The following CFAP77 variants were observed in gnomAD, a reference collection of about 807,000 sequenced individuals.
CFAP77 encodes cilia and flagella associated protein 77.
A neutral mutation model predicts 31.1 loss-of-function variants in CFAP77; 25 were observed. The observed-to-expected ratio is 0.80, with a 90% CI of 0.59 to 1.12. CFAP77 has a LOEUF of 1.12. Among genes scored for constraint, CFAP77 ranks in the 50% most tolerant of loss-of-function variants. The pLI is 0.00. For missense variants in CFAP77, 377 were observed against 397.3 expected, an observed-to-expected ratio of 0.95 and a Z score of 0.44; for synonymous variants, 151 against 159.9, an observed-to-expected ratio of 0.94 and a Z score of 0.42.
chr9:132,556,128 C>G (rs184766954), intron 5 of CFAP77, among the ~76,000 whole-genome samples: 8 of 152,292 alleles, frequency 5.3e-5, no homozygotes, highest in Admixed American at 1.3e-4. Flanking sequence ...TCGTCAGCAC[C>G]CTGGCCTCCA....
intron 1 of CFAP77, among the ~76,000 whole-genome samples, chr9:132,496,076 A>G (rs530693149): frequency 6.4e-4 from 97 of 152,334 alleles, no homozygotes; most frequent in Non-Finnish European, 1.3e-3. Flanking sequence ...ATTAGCATCT[A>G]TTCTACACTG....
At position 132,455,943 on chromosome 9, in the gene CFAP77, G is replaced by A. The variant is rs1159830243; in HGVS notation, c.196-42752G>A. Among the ~76,000 whole-genome samples, 4 of 152,280 alleles carry A rather than the reference G, an allele frequency of 2.6e-5. No individual in the cohort carries two copies. In the East Asian group the frequency reaches 7.7e-4, roughly 29 times the overall value. ...CCACTTATTAGCTGTATAACCTTGA[G>A]CAAGTTATTTATCCACTCTTAGTTT... is the stretch of plus-strand genomic sequence containing the variant. On this transcript the variant is annotated intron_variant, in intron 1 of 5. Transcript: ENST00000393216. This position sits in a 1 kb window ranked among gnomAD's most constrained non-coding sequence, Gnocchi z 4.1.
intron 3 of CFAP77, among the ~76,000 whole-genome samples, chr9:132,523,843 G>A (rs561272774): frequency 1.0e-3 from 152 of 152,276 alleles, no homozygotes; most frequent in African/African-American, 3.5e-3. Flanking sequence ...GCTGCTTGGT[G>A]AGAAATGGCA....
chr9:132,556,973 A>G (rs577235564), intron 5 of CFAP77, among the ~76,000 whole-genome samples: 10 of 152,268 alleles, frequency 6.6e-5, no homozygotes, highest in Admixed American at 5.9e-4. Flanking sequence ...TAATGAGCCG[A>G]TGGAAGTTTC....
In CFAP77 at chr9:132,517,871, G is replaced by A. The variant is rs555675665; in HGVS notation, c.524+18271G>A. 1.2e-4 allele frequency among the ~76,000 whole-genome samples: 19 copies of A among 152,340 alleles called. No homozygotes were observed. Among genetic ancestry groups the A allele is most frequent in the Middle Eastern group, 3.4e-3 (1 of 294 alleles). ...ACCCCTGGTCTGGGGTATCAATCGC[G>A]GAGCAGTCAGGATGGGTTTGATGGA... On this transcript the variant is annotated intron_variant, in intron 3 of 5. Transcript: ENST00000393216. This position sits in a 1 kb window ranked among gnomAD's most constrained non-coding sequence, Gnocchi z 4.7.
At position 132,517,338 on chromosome 9, in the gene CFAP77, CTG is replaced by C. The variant is rs1322410000; in HGVS notation, c.524+17740_524+17741del. Among the ~76,000 whole-genome samples, 1 of 152,202 alleles carries C rather than the reference CTG, an allele frequency of 6.6e-6. No individual in the cohort carries two copies. The highest frequency in any genetic ancestry group is 1.9e-4 in the East Asian group (1 of 5,202). On this transcript the variant is annotated intron_variant, in intron 3 of 5. Coordinates refer to ENST00000393216, the MANE Select transcript of CFAP77 (RefSeq NM_001282957.2). The surrounding 1 kb of genome is among the most constrained non-coding windows in gnomAD (Gnocchi z 4.7). ...TTTTAATTTTATTTTAACAAAATAG[CTG>C]TCTCCACTGGAAGAAGCATCAAGAG...
Position 132,424,400 on chromosome 9 carries a change from T to G in CFAP77, c.195+13934T>G, listed in dbSNP as rs974787534. On this transcript the variant is annotated intron_variant, in intron 1 of 5. Transcript: ENST00000393216. The surrounding 1 kb of genome is among the most constrained non-coding windows in gnomAD (Gnocchi z 4.1). Reference sequence around the variant, plus strand: ...CTGGGCGACAGAGCAAGACTCCATCTCAAAACAAAAAAAAAAGAGTTAGGA... The same window carrying G: ...CTGGGCGACAGAGCAAGACTCCATCGCAAAACAAAAAAAAAAGAGTTAGGA... Among the ~76,000 whole-genome samples the G allele has an allele frequency of 1.3e-5, 2 of 150,868 alleles. No individual in the cohort carries two copies. The highest frequency in any genetic ancestry group is 4.9e-5 in the African/African-American group (2 of 41,024).
chr9:132,560,228 G>A (rs928898102), intron 5 of CFAP77, among the ~76,000 whole-genome samples: 3 of 152,210 alleles, frequency 2.0e-5, no homozygotes, highest in African/African-American at 7.2e-5. Context: ...TGAGATGAGT[G>A]ATCATCGCCT....
At chr9:132,530,136 C>CTTTTTTTTTTTTTTTT (rs750962954) in intron 3 of CFAP77, among the ~76,000 whole-genome samples, 50 of 93,264 alleles carry the variant, frequency 5.4e-4, no homozygotes, top group African/African-American at 7.2e-4. Flanking sequence ...TCTTTCTTTT[C>CTTTTTTTTTTTTTTTT]TTTTTTTTTT....
intron 1 of CFAP77, among the ~76,000 whole-genome samples, chr9:132,468,358 C>T (rs1035221595): frequency 6.6e-6 from 1 of 152,022 alleles, no homozygotes; most frequent in Non-Finnish European, 1.5e-5. Context: ...AAACAAAAAA[C>T]CACAGATTAG....
Position 132,572,749 on chromosome 9 carries a change from C to T in CFAP77, c.*239C>T, listed in dbSNP as rs1399957608. The T allele has an allele frequency of 5.6e-6, 3 of 532,706 alleles. No individual in the cohort carries two copies. The highest frequency in any genetic ancestry group is 7.3e-5 in the Admixed American group (2 of 27,582). The allele number at this position is 532,706 out of a possible 1,614,324, so 33.0% of individuals were successfully genotyped here. A position where few individuals can be genotyped will look rare whatever the true frequency, so the allele number is the denominator to read the frequency against. On this transcript the variant is annotated 3_prime_UTR_variant, in exon 6 of 6. Transcript: ENST00000393216. ...CCTGGAGCCTCCTCCTCTCCTCCTC[C>T]TTCTCCTCCTAGGGCAGGCTCACCC...
intron 1 of CFAP77, among the ~76,000 whole-genome samples, chr9:132,450,056 G>A (rs1177770495): frequency 6.6e-6 from 1 of 152,018 alleles, no homozygotes; most frequent in Non-Finnish European, 1.5e-5. Flanking sequence ...GGGACTACTG[G>A]TGCCCGCCAC....
chr9:132,492,075 G>A (rs1488220474), intron 1 of CFAP77, among the ~76,000 whole-genome samples: 6 of 152,110 alleles, frequency 3.9e-5, no homozygotes, highest in Non-Finnish European at 8.8e-5. Context: ...ATTGCTTGAG[G>A]CCAGGAGTTT....
intron 1 of CFAP77, among the ~76,000 whole-genome samples, chr9:132,448,071 C>A (rs1163473084): frequency 6.6e-6 from 1 of 152,116 alleles, no homozygotes; most frequent in Admixed American, 6.6e-5. Context: ...CAAGGTAATA[C>A]TGGTCTCCTG....
In CFAP77 at chr9:132,498,991, G is replaced by T. The variant is rs1256175822; in HGVS notation, c.295+197G>T. On this transcript the variant is annotated intron_variant, in intron 2 of 5. Coordinates refer to ENST00000393216, the MANE Select transcript of CFAP77 (RefSeq NM_001282957.2). The surrounding 1 kb of genome is among the most constrained non-coding windows in gnomAD (Gnocchi z 4.2). Reference sequence around the variant, plus strand: ...GGGGAGGGCCAAGCAGGGCCCTGGTGTGCGGTGTCAGGGAACTAGCATGGG... The same window carrying T: ...GGGGAGGGCCAAGCAGGGCCCTGGTTTGCGGTGTCAGGGAACTAGCATGGG... Among the ~76,000 whole-genome samples the T allele has an allele frequency of 1.3e-5, 2 of 152,146 alleles. No individual in the cohort carries two copies. Among genetic ancestry groups the T allele is most frequent in the African/African-American group, 4.8e-5 (2 of 41,414 alleles).
chr9:132,559,346 C>CAAAAAAAAA (rs35737685), intron 5 of CFAP77, among the ~76,000 whole-genome samples: 2,210 of 56,012 alleles, frequency 0.039, 141 homozygotes, highest in Non-Finnish European at 0.06. Flanking sequence ...CTCTGTCTTG[C>CAAAAAAAAA]AAAAAAAAAA....
At chr9:132,558,901 T>C (rs1201254202) in intron 5 of CFAP77, among the ~76,000 whole-genome samples, 6 of 139,764 alleles carry the variant, frequency 4.3e-5, no homozygotes, top group African/African-American at 1.1e-4. Flanking sequence ...GTAATCCCAG[T>C]TGCTCAGGAG....
chr9:132,482,410 G>A lies in CFAP77; in HGVS notation c.196-16285G>A, dbSNP rs574252509. ...CTTGCTGGACACCACATCAAAGGAG[G>A]CCCACAGGTGTTTCTTCCTTCTGCT... On this transcript the variant is annotated intron_variant, in intron 1 of 5. Transcript: ENST00000393216. 6.2e-6 allele frequency: 10 copies of A among 1,611,944 alleles called. 1 individual carries two copies. In the Admixed American group the frequency reaches 1.3e-4, roughly 22 times the overall value.
rs955577326 is a variant in CFAP77, at chr9:132,458,377, C to T, written c.196-40318C>T. ...GGGGGGGTGTGTATGGAAGGCTCAG[C>T]TCATCCCCACTTTCCCGCATCTTCT... On this transcript the variant is annotated intron_variant, in intron 1 of 5. Transcript: ENST00000393216. 4.7e-5 allele frequency among the ~76,000 whole-genome samples: 7 copies of T among 148,470 alleles called. No homozygotes were observed. The South Asian group carries it at 1.5e-3, about 31-fold the overall frequency.
Sources: gnomAD v4.1 joint callset for allele counts (sites outside exome capture counted in the v4.1 genomes callset) on GRCh38, gnomAD v4.1.1 for gene constraint, Gnocchi (gnomAD v3.1) non-coding constraint, MANE v1.5 for transcripts, NCBI Gene and HGNC (gene_info 2026-07-23, HGNC 2026-07-21) for gene names.